SLC35D2: variants seen among roughly 807,000 people sequenced by gnomAD.
SLC35D2 encodes the protein solute carrier family 35 member D2, also known as nucleotide sugar transporter SLC35D2.
In SLC35D2, 43 loss-of-function variants were observed where a neutral mutation model predicts 41.8. The ratio of observed to expected loss-of-function variants is 1.03; its 90% confidence interval spans 0.81 to 1.33. The LOEUF (loss-of-function observed/expected upper bound fraction) is 1.33, where lower values mean the gene tolerates loss of function less well. Among genes scored for constraint, SLC35D2 ranks in the 40% most tolerant of loss-of-function variants. The pLI is 0.00. For missense variants in SLC35D2, 380 were observed against 408.4 expected, an observed-to-expected ratio of 0.93 and a Z score of 0.60; for synonymous variants, 150 against 163.9, an observed-to-expected ratio of 0.92 and a Z score of 0.65.
intron 1 of SLC35D2, among the ~76,000 whole-genome samples, chr9:96,371,474 C>CAAAAAAAAAAAAAAAAAAAAAAAA (rs539576375): frequency 1.7e-4 from 8 of 46,648 alleles, no homozygotes; most frequent in Admixed American, 4.4e-4. Context: ...GACTCTGTCT[C>CAAAAAAAAAAAAAAAAAAAAAAAA]AAAAAAAAAA....
intron 11 of SLC35D2, 106 bp downstream of exon 11, chr9:96,321,892 G>T: frequency 1.5e-6 from 1 of 674,716 alleles, no homozygotes; most frequent in Admixed American, 2.7e-5. Context: ...ACGCCTCCTG[G>T]CTTAACGTGA....
intron 9 of SLC35D2, among the ~76,000 whole-genome samples, chr9:96,328,973 A>G (rs1828676422): frequency 6.6e-6 from 1 of 151,822 alleles, no homozygotes; most frequent in East Asian, 1.9e-4. Context: ...CTATAATCTC[A>G]GCTACTCAGG....
downstream of SLC35D2, among the ~76,000 whole-genome samples, chr9:96,317,482 C>G (rs1485903810): frequency 1.3e-5 from 2 of 152,126 alleles, no homozygotes. Flanking sequence ...TTTAGCTGTA[C>G]AGCAAACATT....
intron 9 of SLC35D2, 85 bp downstream of exon 9, chr9:96,336,632 G>A (rs1829062436): frequency 1.2e-6 from 1 of 821,416 alleles, no homozygotes; most frequent in Non-Finnish European, 2.0e-6. Flanking sequence ...AAGGAATTCT[G>A]ACAGAATAGA....
chr9:96,339,334 C>G lies in SLC35D2; in HGVS notation c.685-2550G>C, dbSNP rs539421730. 5.9e-5 allele frequency among the ~76,000 whole-genome samples: 9 copies of G among 152,318 alleles called. No individual in the cohort carries two copies. The East Asian group carries it at 1.5e-3, about 26-fold the overall frequency. On this transcript the variant is annotated intron_variant, in intron 8 of 11. Coordinates refer to ENST00000253270, the MANE Select transcript of SLC35D2 (RefSeq NM_007001.3). ...CCATGTTGGCCAAGATGGTCTCGAT[C>G]TCTTGACCTCATGATCTGCCCGCCT...
At chr9:96,359,080 G>A (rs1010240277) in intron 4 of SLC35D2, among the ~76,000 whole-genome samples, 32 of 151,708 alleles carry the variant, frequency 2.1e-4, no homozygotes, top group Admixed American at 1.2e-3. Flanking sequence ...TGAGGCGGGC[G>A]GATCACGAGG....
chr9:96,380,073 T>A (rs957564915), intron 1 of SLC35D2, among the ~76,000 whole-genome samples: 1 of 151,994 alleles, frequency 6.6e-6, no homozygotes, highest in African/African-American at 2.4e-5. Flanking sequence ...ATATTTGTAT[T>A]TTTAGTAGAG....
chr9:96,326,081 A>G (rs1828513305), intron 9 of SLC35D2, among the ~76,000 whole-genome samples: 1 of 152,246 alleles, frequency 6.6e-6, no homozygotes, highest in Non-Finnish European at 1.5e-5. Context: ...AATTTGAAAT[A>G]TATAATTGAT....
Position 96,368,123 on chromosome 9 carries a change from T to C in SLC35D2, c.192+149A>G. The C allele has an allele frequency of 5.6e-6, 3 of 535,764 alleles. No homozygotes were observed. The South Asian group carries it at 9.6e-5, about 17-fold the overall frequency. The allele number at this position is 535,764 out of a possible 1,614,324, so 33.2% of individuals were successfully genotyped here. Reference sequence around the variant, plus strand: ...CTGAAATAAAATAAGTGTCAATATGTCCTGTTGTCTCACCAGGAGTACCAT... The same window carrying C: ...CTGAAATAAAATAAGTGTCAATATGCCCTGTTGTCTCACCAGGAGTACCAT... On this transcript the variant is annotated intron_variant, in intron 2 of 11. Transcript: ENST00000253270.
At chr9:96,380,861 G>A (rs937293589) in intron 1 of SLC35D2, among the ~76,000 whole-genome samples, 7 of 152,210 alleles carry the variant, frequency 4.6e-5, no homozygotes, top group Middle Eastern at 3.4e-3. Context: ...GTATGTCCAT[G>A]TTCATTTCCT....
intron 10 of SLC35D2, among the ~76,000 whole-genome samples, chr9:96,322,511 C>T (rs111821073): frequency 0.13 from 19,409 of 151,842 alleles, 1,348 homozygotes; most frequent in Middle Eastern, 0.17. Context: ...AGAGCAAGAC[C>T]CTGCCTCAGA....
At chr9:96,354,752 G>A (rs1327995892) in intron 4 of SLC35D2, among the ~76,000 whole-genome samples, 1 of 99,898 alleles carries the variant, frequency 1.0e-5, no homozygotes, top group African/African-American at 3.9e-5. Context: ...GGGCAACAAA[G>A]TGAGACTCCA....
Position 96,382,670 on chromosome 9 carries a change from TCTAA to T in SLC35D2, c.158+803_158+806del, listed in dbSNP as rs1282110851. ...AGAAAGCTGATACTCTAAGATACTC[TCTAA>T]CTAAGACACTCTAGGTCTCTTTGGG... On this transcript the variant is annotated intron_variant, in intron 1 of 11. Transcript: ENST00000253270. Among the ~76,000 whole-genome samples the T allele has an allele frequency of 3.9e-5, 6 of 152,052 alleles. No individual in the cohort carries two copies. The South Asian group carries it at 8.3e-4, about 21-fold the overall frequency.
intron 1 of SLC35D2, among the ~76,000 whole-genome samples, chr9:96,369,456 A>C (rs1830596732): frequency 6.6e-6 from 1 of 152,210 alleles, no homozygotes; most frequent in African/African-American, 2.4e-5. Context: ...GGCAAAGGGC[A>C]CCAACATATC....
intron 4 of SLC35D2, among the ~76,000 whole-genome samples, chr9:96,356,370 G>A (rs1830023000): frequency 6.7e-6 from 1 of 149,072 alleles, no homozygotes; most frequent in Non-Finnish European, 1.5e-5. Flanking sequence ...ATCTTAGCTG[G>A]CTTTATTTAT....
chr9:96,353,552 G>A (rs879643035), intron 4 of SLC35D2, among the ~76,000 whole-genome samples: 2 of 152,202 alleles, frequency 1.3e-5, no homozygotes, highest in Non-Finnish European at 2.9e-5. Flanking sequence ...TGCCATGTTG[G>A]CCAGGCTGGT....
chr9:96,360,044 C>T, intron 4 of SLC35D2, 110 bp downstream of exon 4: 1 of 627,286 alleles, frequency 1.6e-6, no homozygotes, highest in Non-Finnish European at 2.7e-6. Context: ...ATATTATTGT[C>T]TTCTATATAT....
intron 1 of SLC35D2, among the ~76,000 whole-genome samples, chr9:96,381,831 T>A (rs1831209978): frequency 6.6e-6 from 1 of 152,016 alleles, no homozygotes; most frequent in African/African-American, 2.4e-5. Flanking sequence ...CCTGCCTACC[T>A]CCCCGCCCAG....
rs2130823610 is a variant in SLC35D2, at chr9:96,321,350, A to T, written c.915-9T>A. The T allele has an allele frequency of 6.2e-7, 1 of 1,602,736 alleles. No individual in the cohort carries two copies. Among genetic ancestry groups the T allele is most frequent in the East Asian group, 2.2e-5 (1 of 44,826 alleles). On this transcript the variant is annotated splice_polypyrimidine_tract_variant and intron_variant, in intron 11 of 11. Coordinates refer to ENST00000253270, the MANE Select transcript of SLC35D2 (RefSeq NM_007001.3). ...TCAAGCCCCCTGCCATGCTGAAAGG[A>T]GAAAAAAAAGTGAAAATAAATGACT...
Sources: gnomAD v4.1 joint callset for allele counts (sites outside exome capture counted in the v4.1 genomes callset) on GRCh38, gnomAD v4.1.1 for gene constraint, MANE v1.5 for transcripts, NCBI Gene and HGNC (gene_info 2026-07-23, HGNC 2026-07-21) for gene names.